The following SPOCK3 variants were observed in gnomAD, a reference collection of about 807,000 sequenced individuals.
SPOCK3 encodes testican-3.
SPOCK3 carries 30 observed loss-of-function variants against 56.6 expected under a neutral mutation model. The ratio of observed to expected loss-of-function variants is 0.53; its 90% CI spans 0.40 to 0.72. SPOCK3 has a LOEUF of 0.72. Among genes scored for constraint, SPOCK3 ranks in the 30% least tolerant of loss-of-function variants. The pLI is 0.00. For missense variants in SPOCK3, 527 were observed against 530.0 expected (o/e 0.99, Z 0.06); for synonymous variants, 196 against 183.3 (o/e 1.07, Z -0.56).
At chr4:167,122,239 T>C (rs1761934179) in intron 2 of SPOCK3, among the ~76,000 whole-genome samples, 1 of 151,990 alleles carries the variant, frequency 6.6e-6, no homozygotes, top group Non-Finnish European at 1.5e-5. Context: ...GCCTACAGAT[T>C]TGGCTTCCCT....
chr4:167,181,431 A>G (rs563037323), intron 2 of SPOCK3, among the ~76,000 whole-genome samples: 4 of 152,280 alleles, frequency 2.6e-5, no homozygotes, highest in African/African-American at 7.2e-5. Flanking sequence ...CCATGTTTCT[A>G]CCTTTGTTCT....
chr4:167,234,270 G>C, intron 1 of SPOCK3, 97 bp from the exon 2 acceptor site: 1 of 1,204,930 alleles, frequency 8.3e-7, no homozygotes, highest in South Asian at 1.3e-5. Flanking sequence ...CATTAGCAAC[G>C]ACGAGGGTAG....
intron 3 of SPOCK3, among the ~76,000 whole-genome samples, chr4:167,036,057 T>A (rs1189767676): frequency 6.6e-6 from 1 of 152,230 alleles, no homozygotes; most frequent in Non-Finnish European, 1.5e-5. Flanking sequence ...TTTAACTTCA[T>A]ATTTTAAAGT....
intron 2 of SPOCK3, among the ~76,000 whole-genome samples, chr4:167,145,061 T>C (rs1580427166): frequency 3.9e-5 from 6 of 152,034 alleles, no homozygotes; most frequent in Admixed American, 3.9e-4. Context: ...CAGAGATACA[T>C]GATAATATAT....
chr4:167,042,891 C>T (rs2150204172), intron 3 of SPOCK3, among the ~76,000 whole-genome samples: 1 of 152,142 alleles, frequency 6.6e-6, no homozygotes, highest in East Asian at 1.9e-4. Flanking sequence ...ATTTGTGTGC[C>T]CCTGATCATT....
intron 2 of SPOCK3, among the ~76,000 whole-genome samples, chr4:167,116,938 T>G (rs1186960492): frequency 2.1e-5 from 3 of 143,090 alleles, no homozygotes; most frequent in Non-Finnish European, 4.6e-5. Flanking sequence ...TATATACTTT[T>G]GTGTATATGT....
At chr4:166,875,166 T>C (rs1221224525) in intron 6 of SPOCK3, among the ~76,000 whole-genome samples, 1 of 152,164 alleles carries the variant, frequency 6.6e-6, no homozygotes, top group Non-Finnish European at 1.5e-5. Context: ...TGATAATCAG[T>C]ATCACTTTTC....
chr4:166,830,265 C>G (rs1256192045), intron 6 of SPOCK3, among the ~76,000 whole-genome samples: 1 of 152,114 alleles, frequency 6.6e-6, no homozygotes, highest in East Asian at 1.9e-4. Flanking sequence ...GAATTGCTTT[C>G]AAATCAGATC....
At chr4:167,058,254 T>C (rs547042732) in intron 3 of SPOCK3, among the ~76,000 whole-genome samples, 97 of 152,264 alleles carry the variant, frequency 6.4e-4, no homozygotes, top group African/African-American at 2.2e-3. Flanking sequence ...GAAAACCCCA[T>C]TGTCTCAGCT....
At chr4:167,108,965 A>ATT (rs1414686754) in intron 2 of SPOCK3, among the ~76,000 whole-genome samples, 1 of 81,614 alleles carries the variant, frequency 1.2e-5, no homozygotes, top group African/African-American at 7.1e-5. Context: ...TTATATATAT[A>ATT]AATATATAAA....
At chr4:167,007,419 G>A (rs996622018) in intron 3 of SPOCK3, among the ~76,000 whole-genome samples, 1 of 151,944 alleles carries the variant, frequency 6.6e-6, no homozygotes, top group Admixed American at 6.6e-5. Context: ...TATTTTATCA[G>A]TATTTTAATT....
chr4:167,145,691 T>C (rs1360686183), intron 2 of SPOCK3, among the ~76,000 whole-genome samples: 1 of 152,068 alleles, frequency 6.6e-6, no homozygotes, highest in African/African-American at 2.4e-5. Context: ...AATCCAGAAT[T>C]TCATATCCAG....
At chr4:167,146,314 G>C (rs1477220040) in intron 2 of SPOCK3, among the ~76,000 whole-genome samples, 1 of 152,256 alleles carries the variant, frequency 6.6e-6, no homozygotes, top group East Asian at 1.9e-4. Flanking sequence ...CATAAAGCAA[G>C]TTCTTAGAGA....
intron 5 of SPOCK3, among the ~76,000 whole-genome samples, chr4:166,900,044 T>C (rs1735873997): frequency 6.6e-6 from 1 of 152,162 alleles, no homozygotes; most frequent in Non-Finnish European, 1.5e-5. Context: ...CAGCAAGTTG[T>C]GTCACATCTC....
At chr4:166,786,685 T>C (rs568275081) in intron 7 of SPOCK3, among the ~76,000 whole-genome samples, 22 of 152,332 alleles carry the variant, frequency 1.4e-4, no homozygotes, top group Admixed American at 6.5e-4. Context: ...GGTTGACCTC[T>C]AAAAACTATT....
chr4:166,956,779 A>G (rs1181039851), intron 4 of SPOCK3, among the ~76,000 whole-genome samples: 1 of 151,982 alleles, frequency 6.6e-6, no homozygotes, highest in Non-Finnish European at 1.5e-5. Context: ...GAATCTTCTC[A>G]GTCTCCCTCA....
chr4:167,226,223 T>C (rs1198433139), intron 2 of SPOCK3, among the ~76,000 whole-genome samples: 5 of 152,128 alleles, frequency 3.3e-5, no homozygotes, highest in African/African-American at 1.2e-4. Context: ...ATGGTAGCTT[T>C]TTGGACACTC....
At chr4:166,866,025 A>C (rs1409812947) in intron 6 of SPOCK3, among the ~76,000 whole-genome samples, 1 of 152,154 alleles carries the variant, frequency 6.6e-6, no homozygotes, top group Non-Finnish European at 1.5e-5. Flanking sequence ...ACCTGACTTC[A>C]CAGAATACTG....
chr4:167,197,219 A>G (rs1204108470), intron 2 of SPOCK3, among the ~76,000 whole-genome samples: 1 of 152,104 alleles, frequency 6.6e-6, no homozygotes, highest in East Asian at 1.9e-4. Flanking sequence ...GGGTGCTTTC[A>G]ATTTGCCTTT....
Sources: gnomAD v4.1 joint callset for allele counts (sites outside exome capture counted in the v4.1 genomes callset) on GRCh38, gnomAD v4.1.1 for gene constraint, MANE v1.5 for transcripts, NCBI Gene and HGNC (gene_info 2026-07-23, HGNC 2026-07-21) for gene names.